Variants in NPAS3 observed in about 807,000 individuals in gnomAD.
NPAS3 encodes neuronal PAS domain-containing protein 3.
Under a neutral mutation model 73.1 loss-of-function variants are expected in NPAS3, and 14 were observed. That is an observed-to-expected ratio of 0.19 (90% confidence interval 0.13 to 0.30). The LOEUF (loss-of-function observed/expected upper bound fraction) is 0.30, where lower values mean the gene tolerates loss of function less well. Ranked by LOEUF, NPAS3 falls within the 10% of genes least tolerant of loss-of-function variation. The pLI is 1.00. For synonymous variants in NPAS3, 620 were observed against 541.5 expected (o/e 1.14, Z -2.01); for missense variants, 1,096 against 1,250.0 (o/e 0.88, Z 1.86).
At chr14:33,422,149 C>A (rs774532969) in intron 4 of NPAS3, among the ~76,000 whole-genome samples, 22 of 151,876 alleles carry the variant, frequency 1.4e-4, no homozygotes, top group Non-Finnish European at 2.8e-4. Context: ...AAGACTAATT[C>A]TCGGCTCTGT....
intron 4 of NPAS3, among the ~76,000 whole-genome samples, chr14:33,540,690 T>C (rs1162876630): frequency 6.6e-6 from 1 of 152,050 alleles, no homozygotes; most frequent in African/African-American, 2.4e-5. Context: ...CTCTTCAACC[T>C]CCCTCGTTCT....
chr14:33,660,971 G>A (rs541323221), intron 5 of NPAS3, among the ~76,000 whole-genome samples: 3 of 151,954 alleles, frequency 2.0e-5, no homozygotes, highest in African/African-American at 7.3e-5. Flanking sequence ...TATGTGTTAA[G>A]AGTCTTTCTT....
intron 2 of NPAS3, among the ~76,000 whole-genome samples, chr14:33,129,833 C>A (rs531691879): frequency 5.3e-5 from 8 of 152,086 alleles, no homozygotes; most frequent in Admixed American, 2.0e-4. Flanking sequence ...ACTAGCTTGG[C>A]AAAAAGAGAA....
intron 3 of NPAS3, among the ~76,000 whole-genome samples, chr14:33,302,786 GA>G (rs2042605479): frequency 6.6e-6 from 1 of 152,102 alleles, no homozygotes; most frequent in African/African-American, 2.4e-5. Flanking sequence ...TGGTTAGAAG[GA>G]AATATCTGAG....
intron 10 of NPAS3, 147 bp downstream of exon 10, chr14:33,794,191 C>T: frequency 1.5e-6 from 1 of 679,288 alleles, no homozygotes; most frequent in South Asian, 1.9e-5. Context: ...CTGTTCTTTC[C>T]ACAAGATTCA....
At chr14:33,215,500 T>G in intron 3 of NPAS3, 74 bp downstream of exon 3, 1 of 1,514,374 alleles carries the variant, frequency 6.6e-7, no homozygotes, top group Non-Finnish European at 9.2e-7. Flanking sequence ...TTTACCATCA[T>G]CCTTTCTTCT....
At chr14:33,249,838 C>G (rs1047213800) in intron 3 of NPAS3, among the ~76,000 whole-genome samples, 1 of 151,876 alleles carries the variant, frequency 6.6e-6, no homozygotes, top group African/African-American at 2.4e-5. Flanking sequence ...TTTTTGAATG[C>G]TTACTACACT....
intron 2 of NPAS3, among the ~76,000 whole-genome samples, chr14:33,060,290 G>C (rs1267110219): frequency 6.6e-6 from 1 of 152,182 alleles, no homozygotes; most frequent in African/African-American, 2.4e-5. Context: ...ATTTGAGGAA[G>C]AGTGGGGTGT....
At chr14:33,755,189 T>A (rs549224792) in intron 7 of NPAS3, among the ~76,000 whole-genome samples, 3 of 152,352 alleles carry the variant, frequency 2.0e-5, no homozygotes, top group African/African-American at 4.8e-5. Context: ...TAAGATAATA[T>A]GAGTGAAAAT....
intron 4 of NPAS3, among the ~76,000 whole-genome samples, chr14:33,413,111 C>A (rs1008102518): frequency 1.3e-5 from 2 of 152,120 alleles, no homozygotes; most frequent in African/African-American, 4.8e-5. Context: ...TCAATAATAT[C>A]CCTTGGTCAA....
intron 4 of NPAS3, among the ~76,000 whole-genome samples, chr14:33,544,825 A>ATATATTATATATATATATATT: frequency 8.9e-6 from 1 of 112,186 alleles, no homozygotes; most frequent in African/African-American, 4.1e-5. Context: ...TATATAATAT[A>ATATATTATATATATATATATT]TATGTGTATA....
intron 4 of NPAS3, among the ~76,000 whole-genome samples, chr14:33,371,975 T>G (rs950413936): frequency 4.6e-5 from 7 of 152,164 alleles, no homozygotes; most frequent in Non-Finnish European, 1.0e-4. Context: ...AAAGTTGAAT[T>G]TGAACCCAGG....
At chr14:33,600,452 C>T (rs2057367079) in intron 5 of NPAS3, among the ~76,000 whole-genome samples, 2 of 152,118 alleles carry the variant, frequency 1.3e-5, no homozygotes, top group South Asian at 4.1e-4. Flanking sequence ...TAAGAGCTCT[C>T]TGTGCTTGGC....
intron 5 of NPAS3, among the ~76,000 whole-genome samples, chr14:33,568,411 C>T (rs1348800520): frequency 6.6e-6 from 1 of 152,204 alleles, no homozygotes; most frequent in Non-Finnish European, 1.5e-5. Flanking sequence ...AATTTAATGG[C>T]TTATTTTATT....
chr14:33,468,953 A>G (rs73265021), intron 4 of NPAS3, among the ~76,000 whole-genome samples: 3,020 of 152,292 alleles, frequency 0.02, 82 homozygotes, highest in African/African-American at 0.068. Context: ...CCGAATCTAC[A>G]GGGGTGTTAC....
chr14:33,389,692 C>G (rs867776129), intron 4 of NPAS3, among the ~76,000 whole-genome samples: 1 of 152,096 alleles, frequency 6.6e-6, no homozygotes. Context: ...TATTATTTTT[C>G]ATCTTGAGAA....
chr14:33,095,498 T>C (rs970928874), intron 2 of NPAS3, among the ~76,000 whole-genome samples: 7 of 152,064 alleles, frequency 4.6e-5, no homozygotes, highest in African/African-American at 1.4e-4. Context: ...AAAACAGAGA[T>C]CTGAAAGAAC....
At chr14:33,497,611 A>G in intron 4 of NPAS3, among the ~76,000 whole-genome samples, 1 of 152,150 alleles carries the variant, frequency 6.6e-6, no homozygotes, top group Non-Finnish European at 1.5e-5. Context: ...GATTACCTAT[A>G]TAACAAATGG....
intron 2 of NPAS3, among the ~76,000 whole-genome samples, chr14:33,198,701 G>A (rs989729370): frequency 3.3e-5 from 5 of 152,326 alleles, no homozygotes; most frequent in South Asian, 2.1e-4. Context: ...CACCAGGTCC[G>A]GGGGCGGAGC....
Sources: allele counts gnomAD v4.1 joint callset (sites outside exome capture counted in the v4.1 genomes callset), GRCh38; gene constraint gnomAD v4.1.1; transcripts MANE v1.5; gene names NCBI Gene and HGNC (gene_info 2026-07-23, HGNC 2026-07-21).